The following ARSB variants were observed in gnomAD, a reference collection of about 807,000 sequenced individuals.
ARSB encodes arylsulfatase B.
A neutral mutation model predicts 50.9 loss-of-function variants in ARSB; 41 were observed. The ratio of observed to expected loss-of-function variants is 0.81; its 90% CI spans 0.63 to 1.04. The LOEUF (loss-of-function observed/expected upper bound fraction) is 1.04. Among genes scored for constraint, ARSB ranks in the 50% least tolerant of loss-of-function variants. ARSB has a pLI of 0.00. For synonymous variants in ARSB, 269 were observed against 284.8 expected (o/e 0.94, Z 0.56); for missense variants, 672 against 693.3 (o/e 0.97, Z 0.35).
intron 6 of ARSB, chr5:78,816,932 G>C (rs1744012938): frequency 4.1e-6 from 1 of 246,832 alleles, no homozygotes; most frequent in African/African-American, 2.3e-5. Context: ...TCAGCCCTCT[G>C]AGACCCTAAG....
chr5:78,834,308 G>T (rs1392436738), intron 6 of ARSB, among the ~76,000 whole-genome samples: 4 of 151,730 alleles, frequency 2.6e-5, no homozygotes, highest in Non-Finnish European at 5.9e-5. Context: ...ACTTTTAATT[G>T]TATGGTCCAG....
chr5:78,848,900 C>T (rs62377536), intron 5 of ARSB, among the ~76,000 whole-genome samples: 19,122 of 138,030 alleles, frequency 0.14, 1,406 homozygotes, highest in Middle Eastern at 0.22. Flanking sequence ...ATCCTTTGCC[C>T]ACTTGTTGAT....
intron 6 of ARSB, among the ~76,000 whole-genome samples, chr5:78,826,050 T>C (rs1477822029): frequency 7.0e-6 from 1 of 143,760 alleles, no homozygotes; most frequent in Non-Finnish European, 1.5e-5. Flanking sequence ...TTCCTTTTTC[T>C]TTCTTTTTTT....
chr5:78,843,786 T>C (rs1186338291), intron 5 of ARSB, among the ~76,000 whole-genome samples: 1 of 152,220 alleles, frequency 6.6e-6, no homozygotes, highest in Non-Finnish European at 1.5e-5. Context: ...GGACATTTCA[T>C]ATAACTGGAA....
chr5:78,911,283 C>A (rs1749294980), intron 4 of ARSB, among the ~76,000 whole-genome samples: 1 of 152,010 alleles, frequency 6.6e-6, no homozygotes, highest in African/African-American at 2.4e-5. Flanking sequence ...AGACCTGATA[C>A]CAGTGGTTCT....
At chr5:78,872,934 A>G (rs1351274216) in intron 5 of ARSB, among the ~76,000 whole-genome samples, 1 of 152,146 alleles carries the variant, frequency 6.6e-6, no homozygotes, top group Non-Finnish European at 1.5e-5. Flanking sequence ...TCCCACTCCT[A>G]CGGATTGCCT....
intron 5 of ARSB, among the ~76,000 whole-genome samples, chr5:78,856,081 A>G (rs116509466): frequency 0.019 from 2,879 of 152,304 alleles, 90 homozygotes; most frequent in African/African-American, 0.064. Context: ...CTTCAACTTC[A>G]TTCTTCTGCA....
chr5:78,815,260 C>T (rs1204997338), intron 6 of ARSB, among the ~76,000 whole-genome samples: 5 of 150,732 alleles, frequency 3.3e-5, no homozygotes, highest in South Asian at 4.2e-4. Context: ...ATCTCCTTTC[C>T]CCTTCTCCAC....
chr5:78,982,439 CA>C (rs1283811353), intron 1 of ARSB, among the ~76,000 whole-genome samples: 1 of 152,150 alleles, frequency 6.6e-6, no homozygotes, highest in Non-Finnish European at 1.5e-5. Context: ...AAAAGTAATA[CA>C]GGGATTATTT....
intron 1 of ARSB, among the ~76,000 whole-genome samples, chr5:78,974,606 T>C (rs1343550834): frequency 6.6e-6 from 1 of 152,174 alleles, no homozygotes; most frequent in Admixed American, 6.5e-5. Flanking sequence ...ATGACAAACC[T>C]CGTAAATCAA....
In ARSB at chr5:78,832,229, C is replaced by T. The variant is rs73122628; in HGVS notation, c.1213+7127G>A. Among the ~76,000 whole-genome samples, 1,177 of 152,134 alleles carry T rather than the reference C, an allele frequency of 7.7e-3. 13 individuals carry two copies. Among genetic ancestry groups the T allele is most frequent in the African/African-American group, 0.027 (1,132 of 41,508 alleles). On this transcript the variant is annotated intron_variant, in intron 6 of 7. Transcript: ENST00000264914. ...AATGTGCACTGAACTCTACAGAAGG[C>T]GCAGGGCAACAAGGGAGATAAACAG...
At chr5:78,933,710 G>A (rs1234843084) in intron 4 of ARSB, among the ~76,000 whole-genome samples, 4 of 152,162 alleles carry the variant, frequency 2.6e-5, no homozygotes, top group Non-Finnish European at 5.9e-5. Context: ...ATTCCAAAGT[G>A]ACTGCATGGA....
intron 2 of ARSB, among the ~76,000 whole-genome samples, chr5:78,965,381 G>A (rs1017693320): frequency 1.6e-4 from 24 of 151,982 alleles, no homozygotes; most frequent in Admixed American, 3.3e-4. Flanking sequence ...GCTGTGCTAC[G>A]TATGATTCCA....
intron 5 of ARSB, among the ~76,000 whole-genome samples, chr5:78,866,427 A>C (rs1163616611): frequency 6.6e-6 from 1 of 152,198 alleles, no homozygotes; most frequent in Non-Finnish European, 1.5e-5. Flanking sequence ...ACACATGGGA[A>C]TTCAAGATGA....
In ARSB at chr5:78,816,538, A is replaced by G. The variant is rs184845946; in HGVS notation, c.1213+22818T>C. Among the ~76,000 whole-genome samples the G allele has an allele frequency of 2.2e-3, 336 of 152,270 alleles. 2 individuals carry two copies. Among genetic ancestry groups the G allele is most frequent in the African/African-American group, 7.7e-3 (322 of 41,556 alleles). On this transcript the variant is annotated intron_variant, in intron 6 of 7. Transcript: ENST00000264914. ...CTGGTGTTACTCCTGAGATTATGTT[A>G]TGTTTGGTGGGAAAAGGAATTCTGC...
At chr5:78,908,244 T>C (rs1454264394) in intron 4 of ARSB, among the ~76,000 whole-genome samples, 2 of 152,162 alleles carry the variant, frequency 1.3e-5, no homozygotes, top group Admixed American at 1.3e-4. Flanking sequence ...CTCTACCTTG[T>C]GTTGTAAAAG....
chr5:78,862,451 A>T (rs1294997368), intron 5 of ARSB, among the ~76,000 whole-genome samples: 2 of 150,680 alleles, frequency 1.3e-5, no homozygotes, highest in African/African-American at 4.8e-5. Context: ...AGCCCTCAGA[A>T]ATACAACCTT....
At chr5:78,872,096 CA>C in intron 5 of ARSB, among the ~76,000 whole-genome samples, 1 of 148,936 alleles carries the variant, frequency 6.7e-6, no homozygotes, top group Non-Finnish European at 1.5e-5. Flanking sequence ...CAGAGAAATG[CA>C]AATCAAAACC....
chr5:78,866,900 G>A (rs542308425), intron 5 of ARSB, among the ~76,000 whole-genome samples: 1 of 152,332 alleles, frequency 6.6e-6, no homozygotes, highest in East Asian at 1.9e-4. Flanking sequence ...ATTTCCATCT[G>A]AGGTACCGGG....
Sources: gnomAD v4.1 joint callset for allele counts (sites outside exome capture counted in the v4.1 genomes callset) on GRCh38, gnomAD v4.1.1 for gene constraint, MANE v1.5 for transcripts, NCBI Gene and HGNC (gene_info 2026-07-23, HGNC 2026-07-21) for gene names.